Variants in PPP2R2B observed in about 807,000 individuals in gnomAD.
PPP2R2B encodes the protein serine/threonine-protein phosphatase 2A 55 kDa regulatory subunit B beta isoform.
In PPP2R2B, 5 loss-of-function variants were observed where a neutral mutation model predicts 46.0. The observed-to-expected ratio is 0.11, with a 90% confidence interval of 0.06 to 0.23. The LOEUF (loss-of-function observed/expected upper bound fraction) is 0.23, where lower values mean the gene tolerates loss of function less well. PPP2R2B is among the 10% of genes least tolerant of loss of function. The probability of loss-of-function intolerance (pLI) is 1.00; values close to 1 mark genes in which losing one functional copy is unlikely to be tolerated. For missense variants in PPP2R2B, 367 were observed against 575.0 expected, an observed-to-expected ratio of 0.64 and a Z score of 3.70; for synonymous variants, 215 against 206.7, an observed-to-expected ratio of 1.04 and a Z score of -0.34.
intron 1 of PPP2R2B, among the ~76,000 whole-genome samples, chr5:146,959,272 G>A (rs1392213120): frequency 6.6e-6 from 1 of 152,094 alleles, no homozygotes; most frequent in Non-Finnish European, 1.5e-5. Context: ...TCATTCAATT[G>A]TTTAATGACC....
chr5:146,716,614 C>T (rs1226039916), intron 2 of PPP2R2B, among the ~76,000 whole-genome samples: 1 of 152,038 alleles, frequency 6.6e-6, no homozygotes, highest in Non-Finnish European at 1.5e-5. Flanking sequence ...TCTCTGGATC[C>T]CTAGTGGGAT....
intron 2 of PPP2R2B, among the ~76,000 whole-genome samples, chr5:146,750,974 G>T (rs1424694773): frequency 6.6e-6 from 1 of 152,110 alleles, no homozygotes; most frequent in African/African-American, 2.4e-5. Context: ...GCACTGTTCT[G>T]CTCTCAACAG....
At chr5:146,937,523 G>C in intron 1 of PPP2R2B, among the ~76,000 whole-genome samples, 1 of 152,120 alleles carries the variant, frequency 6.6e-6, no homozygotes, top group East Asian at 1.9e-4. Context: ...GAGAGGAGGG[G>C]CTTTTGACAG....
chr5:146,966,228 A>G (rs115412028), intron 1 of PPP2R2B, among the ~76,000 whole-genome samples: 2,205 of 152,236 alleles, frequency 0.014, 50 homozygotes, highest in African/African-American at 0.05. Context: ...TTATTATTGA[A>G]CACTGCCACC....
chr5:147,045,155 A>C (rs1341808816), intron 1 of PPP2R2B, among the ~76,000 whole-genome samples: 1 of 152,010 alleles, frequency 6.6e-6, no homozygotes, highest in Admixed American at 6.6e-5. Flanking sequence ...AACTCTACAT[A>C]ATGTAACAGT....
At chr5:146,939,715 A>G (rs1764262673) in intron 1 of PPP2R2B, among the ~76,000 whole-genome samples, 1 of 152,072 alleles carries the variant, frequency 6.6e-6, no homozygotes, top group Non-Finnish European at 1.5e-5. Flanking sequence ...GTAACAATGC[A>G]TTTGGTATTT....
intron 2 of PPP2R2B, among the ~76,000 whole-genome samples, chr5:146,871,206 A>T (rs907205943): frequency 2.0e-4 from 31 of 152,210 alleles, no homozygotes; most frequent in African/African-American, 7.0e-4. Flanking sequence ...CTGGAGAGCC[A>T]CTCTGGCCAA....
upstream of PPP2R2B, among the ~76,000 whole-genome samples, chr5:147,057,087 G>A (rs1440594174): frequency 6.6e-6 from 1 of 152,144 alleles, no homozygotes; most frequent in African/African-American, 2.4e-5. Flanking sequence ...ATTTAACTCA[G>A]CATTGGAGAA....
chr5:146,602,250 A>C (rs538526061), intron 7 of PPP2R2B, among the ~76,000 whole-genome samples: 52 of 152,288 alleles, frequency 3.4e-4, no homozygotes, highest in African/African-American at 1.2e-3. Flanking sequence ...AGTTTGTTTT[A>C]TCTCTTCAAC....
intron 2 of PPP2R2B, among the ~76,000 whole-genome samples, chr5:146,718,867 G>C (rs1780638748): frequency 1.3e-5 from 2 of 152,196 alleles, no homozygotes; most frequent in South Asian, 4.1e-4. Flanking sequence ...CCAGCTTCTA[G>C]GGCTTGTCAG....
chr5:146,826,235 G>A (rs2151340905), intron 2 of PPP2R2B, among the ~76,000 whole-genome samples: 1 of 152,106 alleles, frequency 6.6e-6, no homozygotes, highest in South Asian at 2.1e-4. Flanking sequence ...CATAATAAAG[G>A]GTGGCAGAGA....
At chr5:146,656,193 T>C (rs1776320644) in intron 5 of PPP2R2B, among the ~76,000 whole-genome samples, 3 of 151,984 alleles carry the variant, frequency 2.0e-5, no homozygotes, top group Non-Finnish European at 4.4e-5. Flanking sequence ...GCGAGAGGTA[T>C]GCTCTTTGAG....
At chr5:146,841,809 C>A (rs1037203616) in intron 2 of PPP2R2B, among the ~76,000 whole-genome samples, 3 of 152,134 alleles carry the variant, frequency 2.0e-5, no homozygotes, top group Admixed American at 6.6e-5. Context: ...GGAGGGATAG[C>A]ATTAGGAGAA....
At chr5:146,853,561 T>C (rs1407427511) in intron 2 of PPP2R2B, among the ~76,000 whole-genome samples, 1 of 152,142 alleles carries the variant, frequency 6.6e-6, no homozygotes, top group Non-Finnish European at 1.5e-5. Context: ...TAATGATGCC[T>C]ACCTCAAAAG....
chr5:146,948,990 G>T (rs2151834141), intron 1 of PPP2R2B, among the ~76,000 whole-genome samples: 1 of 152,164 alleles, frequency 6.6e-6, no homozygotes, highest in Non-Finnish European at 1.5e-5. Flanking sequence ...CACTGGGTTT[G>T]GGGTCATGTA....
chr5:146,927,505 C>T (rs564558872), intron 1 of PPP2R2B, among the ~76,000 whole-genome samples: 1 of 152,300 alleles, frequency 6.6e-6, no homozygotes, highest in South Asian at 2.1e-4. Flanking sequence ...ACTCTCTAAA[C>T]ACCGCTTGCC....
At chr5:147,021,256 AC>A (rs946318677) in intron 1 of PPP2R2B, among the ~76,000 whole-genome samples, 8 of 152,154 alleles carry the variant, frequency 5.3e-5, no homozygotes, top group Middle Eastern at 3.2e-3. Context: ...CCTTTGATGA[AC>A]CCTGGGGTAA....
At chr5:146,860,281 A>G (rs1222068269) in intron 2 of PPP2R2B, among the ~76,000 whole-genome samples, 1 of 152,168 alleles carries the variant, frequency 6.6e-6, no homozygotes, top group Non-Finnish European at 1.5e-5. Context: ...CACTCTTTCA[A>G]GTTGCTAGTT....
chr5:147,027,028 C>T (rs1755557502), intron 1 of PPP2R2B, among the ~76,000 whole-genome samples: 1 of 152,074 alleles, frequency 6.6e-6, no homozygotes, highest in African/African-American at 2.4e-5. Flanking sequence ...CTGGAAACCA[C>T]ACAAATATCT....
Sources: gnomAD v4.1 joint callset for allele counts (sites outside exome capture counted in the v4.1 genomes callset) on GRCh38, gnomAD v4.1.1 for gene constraint, MANE v1.5 for transcripts, NCBI Gene and HGNC (gene_info 2026-07-23, HGNC 2026-07-21) for gene names.